The following SLC49A3 variants were observed in gnomAD, a reference collection of about 807,000 sequenced individuals.
SLC49A3 encodes the protein solute carrier family 49 member 3.
A neutral mutation model predicts 43.8 loss-of-function variants in SLC49A3; 50 were observed. The observed-to-expected ratio is 1.14, with a 90% confidence interval of 0.91 to 1.45. SLC49A3 has a LOEUF of 1.45. Among genes scored for constraint, SLC49A3 ranks in the 40% most tolerant of loss-of-function variants. The pLI is 0.00. For missense variants in SLC49A3, 906 were observed against 774.1 expected (o/e 1.17, Z -2.02); for synonymous variants, 413 against 352.0 (o/e 1.17, Z -1.94).
rs1470100618 is a variant in SLC49A3 at position 683,612 on chromosome 4, G to T, written c.990C>A (p.Ala330=). Residue 330 remains alanine (A), a synonymous_variant, in exon 7 of 10, where the codon GCC becomes GCA. Coordinates refer to ENST00000322224, the MANE Select transcript of SLC49A3 (RefSeq NM_032219.4). ...CTTGGCTTGAGGAGACCCTCACCAGGGCAAAGGGCACGCAGGCCAGAGAGA... is the reference window on the plus strand; with the variant it reads ...CTTGGCTTGAGGAGACCCTCACCAGTGCAAAGGGCACGCAGGCCAGAGAGA... ...CLFSLACVPF[A]LVSQLQGQTL... 1.9e-6 allele frequency: 3 copies of T among 1,610,476 alleles called. No individual in the cohort carries two copies. Among genetic ancestry groups the T allele is most frequent in the Non-Finnish European group, 2.5e-6 (3 of 1,178,680 alleles).
chr4:691,585 ACT>A (rs912140534), upstream of SLC49A3, among the ~76,000 whole-genome samples: 3 of 151,056 alleles, frequency 2.0e-5, no homozygotes, highest in African/African-American at 7.3e-5. Flanking sequence ...ACAGAGGGAG[ACT>A]CTGTCACAAA....
downstream of SLC49A3, chr4:678,781 T>C: frequency 6.2e-7 from 1 of 1,608,140 alleles, no homozygotes; most frequent in South Asian, 1.1e-5. Flanking sequence ...ACTTTCCTGC[T>C]TCACTGGGAG....
chr4:681,505 C>A (rs2109364334), downstream of SLC49A3, among the ~76,000 whole-genome samples: 1 of 149,668 alleles, frequency 6.7e-6, no homozygotes, highest in East Asian at 2.0e-4. Flanking sequence ...CCCTCAGGAC[C>A]CCCGCACCTC....
chr4:689,959 G>T (rs1429665624), upstream of SLC49A3, among the ~76,000 whole-genome samples: 2 of 152,244 alleles, frequency 1.3e-5, no homozygotes, highest in Admixed American at 1.3e-4. Context: ...GTATAGGGGT[G>T]GGGTGGAGGC....
chr4:684,057 C>T (rs1740463084), intron 6 of SLC49A3, among the ~76,000 whole-genome samples: 1 of 152,234 alleles, frequency 6.6e-6, no homozygotes, highest in South Asian at 2.1e-4. Flanking sequence ...CAATCCTACA[C>T]TGAGCACTGA....
chr4:678,299 C>CT, downstream of SLC49A3: 1 of 1,431,598 alleles, frequency 7.0e-7, no homozygotes, highest in Non-Finnish European at 9.2e-7. Flanking sequence ...GGGTTCCTGG[C>CT]TTTCACAAAA....
Position 686,319 on chromosome 4 carries a change from G to T in SLC49A3, c.295-17C>A, listed in dbSNP as rs201136197. On this transcript the variant is annotated splice_polypyrimidine_tract_variant and intron_variant, in intron 2 of 9. Coordinates refer to ENST00000322224, the MANE Select transcript of SLC49A3 (RefSeq NM_032219.4). ...CAGGATGGTCTGCGAGGAGGGGGTC[G>T]GGGACCGGGTCAGGAACGCTGCCAC... 6.2e-7 allele frequency: 1 copy of T among 1,611,910 alleles called. No individual in the cohort carries two copies. Among genetic ancestry groups the T allele is most frequent in the Admixed American group, 1.7e-5 (1 of 59,986 alleles).
At chr4:681,013 CCCTGGAGCA>C (rs1471793514), downstream of SLC49A3, 3 of 1,493,418 alleles carry the variant, frequency 2.0e-6, no homozygotes, top group Admixed American at 5.9e-5. Context: ...AACCTGGGGC[CCCTGGAGCA>C]CCTGAGCCCC....
rs1194721304 is a variant in SLC49A3 at position 685,782 on chromosome 4, G to A, written c.585+53C>T. ...CACTTGGGATCAGGAACACACAGAC[G>A]TGCATGCGCACACACCACACAGACC... On this transcript the variant is annotated intron_variant, in intron 4 of 9. Transcript: ENST00000322224. The surrounding 1 kb of genome is among the most constrained non-coding windows in gnomAD (Gnocchi z 4.3). 7.6e-6 allele frequency: 12 copies of A among 1,577,072 alleles called. No individual in the cohort carries two copies. Among genetic ancestry groups the A allele is most frequent in the East Asian group, 2.2e-5 (1 of 44,584 alleles).
At chr4:683,845 G>C in intron 6 of SLC49A3, 84 bp from the exon 7 acceptor site, 1 of 1,465,148 alleles carries the variant, frequency 6.8e-7, no homozygotes, top group East Asian at 2.5e-5. Context: ...GCTCAGTGTA[G>C]GGCCGTGTGC....
chr4:682,454 G>A, intron 9 of SLC49A3, 78 bp from the exon 10 acceptor site: 3 of 1,274,966 alleles, frequency 2.4e-6, no homozygotes, highest in Non-Finnish European at 2.0e-6. Flanking sequence ...CTGGCCTATG[G>A]TGACCCCACT....
At position 683,350 on chromosome 4, in the gene SLC49A3, T is replaced by C. The variant is rs1045271610; in HGVS notation, c.1011A>G (p.Gly337=). The C allele has an allele frequency of 6.2e-7, 1 of 1,609,458 alleles. No individual in the cohort carries two copies. The highest frequency in any genetic ancestry group is 2.2e-5 in the East Asian group (1 of 44,696). The change falls in exon 8 of 10, where the codon GGA becomes GGG. Residue 337 remains glycine (G), a synonymous_variant. Transcript: ENST00000322224. ...AGGTGGCAGCCAGGGCAAGGGTCTG[T>C]CCCTGCAGCTGGGACACCTGGGAGC... The part of the protein sequence containing the change: ...VPFALVSQLQ[G]QTLALAATCS...
downstream of SLC49A3, chr4:678,368 C>CA (rs1739068559): frequency 7.1e-7 from 1 of 1,412,822 alleles, no homozygotes; most frequent in East Asian, 2.6e-5. Context: ...CTTCAGAGGC[C>CA]AAGCTGGCTC....
downstream of SLC49A3, among the ~76,000 whole-genome samples, chr4:679,619 C>T (rs1739238316): frequency 6.6e-6 from 1 of 152,196 alleles, no homozygotes; most frequent in African/African-American, 2.4e-5. Flanking sequence ...AAGTGACCCA[C>T]CTTCCTCTCG....
chr4:676,929 G>A (rs1197358998), downstream of SLC49A3: 3 of 985,400 alleles, frequency 3.0e-6, no homozygotes, highest in Non-Finnish European at 3.6e-6. Flanking sequence ...ATGGCACCAG[G>A]CAGCATCTCA....
At position 681,876 on chromosome 4, in the gene SLC49A3, T is replaced by G; in HGVS notation, c.*82A>C. ...GCTCCCGGAGCCCGCAAGGAGCCCT[T>G]TCGCCCCCGCCCGCAGGTGGACCAG... On this transcript the variant is annotated 3_prime_UTR_variant, in exon 10 of 10. Coordinates refer to ENST00000322224, the MANE Select transcript of SLC49A3 (RefSeq NM_032219.4). 1 of 1,311,428 alleles carries G rather than the reference T, an allele frequency of 7.6e-7. No homozygotes were observed. 81.2% of individuals were successfully genotyped at this position (1,311,428 alleles called of 1,614,324 possible).
In SLC49A3 at chr4:682,768, A is replaced by T; in HGVS notation, c.1261+13T>A. On this transcript the variant is annotated intron_variant, in intron 9 of 9. Coordinates refer to ENST00000322224, the MANE Select transcript of SLC49A3 (RefSeq NM_032219.4). ...CTGTCCTGTTCCCTGGGGACTCCCC[A>T]TGTGAGGCTCACCTGTCCAGTCAAG... is the stretch of plus-strand genomic sequence containing the variant. The T allele has an allele frequency of 6.4e-7, 1 of 1,553,200 alleles. No homozygotes were observed. Among genetic ancestry groups the T allele is most frequent in the Non-Finnish European group, 8.8e-7 (1 of 1,141,806 alleles).
chr4:690,515 AG>A (rs1741793032), upstream of SLC49A3, among the ~76,000 whole-genome samples: 1 of 152,132 alleles, frequency 6.6e-6, no homozygotes, highest in South Asian at 2.1e-4. Context: ...ATGTTGGCCT[AG>A]GGCCTTCAAC....
chr4:677,314 G>T (rs1304026050), downstream of SLC49A3, among the ~76,000 whole-genome samples: 1 of 152,198 alleles, frequency 6.6e-6, no homozygotes, highest in African/African-American at 2.4e-5. Flanking sequence ...AACAGACCCT[G>T]GGCCAGGTCC....
Sources: gnomAD v4.1 joint callset for allele counts (sites outside exome capture counted in the v4.1 genomes callset) on GRCh38, gnomAD v4.1.1 for gene constraint, Gnocchi (gnomAD v3.1) non-coding constraint, MANE v1.5 for transcripts, NCBI Gene and HGNC (gene_info 2026-07-23, HGNC 2026-07-21) for gene names.